The following SLC7A10 variants were observed in gnomAD, a reference collection of about 807,000 sequenced individuals.
SLC7A10 encodes solute carrier family 7 member 10.
SLC7A10 carries 30 observed loss-of-function variants against 52.7 expected under a neutral mutation model. That is an observed-to-expected ratio of 0.57 (90% CI 0.43 to 0.77). The LOEUF is 0.77. Ranked by LOEUF, SLC7A10 falls within the 30% of genes least tolerant of loss-of-function variation. The pLI, the probability that SLC7A10 is intolerant of heterozygous loss-of-function variation, is 0.00. For missense variants in SLC7A10, 581 were observed against 698.5 expected (o/e 0.83, Z 1.90); for synonymous variants, 318 against 314.9 (o/e 1.01, Z -0.10).
rs368762898 is a variant in SLC7A10, at chr19:33,212,665, G to A, written c.509-26C>T. 2.6e-5 allele frequency: 42 copies of A among 1,613,130 alleles called. No homozygotes were observed. The African/African-American group carries it at 4.4e-4, about 17-fold the overall frequency. On this transcript the variant is annotated intron_variant, in intron 3 of 10. Coordinates refer to ENST00000253188, the MANE Select transcript of SLC7A10 (RefSeq NM_019849.3). The stretch of plus-strand genomic sequence containing the variant: ...CTGCGGAGGGAAGGCGGGGGTGGGC[G>A]CCGAGGCCGGGACCTTTCACAGTGG...
At chr19:33,216,219 C>T (rs1974679529) in intron 1 of SLC7A10, among the ~76,000 whole-genome samples, 1 of 152,234 alleles carries the variant, frequency 6.6e-6, no homozygotes, top group South Asian at 2.1e-4. Flanking sequence ...GTTCAGCTGG[C>T]CAGGCCCCTC....
rs143186337 is a variant in SLC7A10, at chr19:33,215,867, C to T, written c.258G>A (p.Thr86=). The part of the protein sequence containing the change: ...LFVWVLGGGV[T]ALGSLCYAEL... Reference sequence around the variant, plus strand: ...CTGCATAGCAGAGGGAGCCCAGAGCCGTCACGCCCCCACCCAGGACCCAGA... The same window carrying T: ...CTGCATAGCAGAGGGAGCCCAGAGCTGTCACGCCCCCACCCAGGACCCAGA... The change falls in exon 2 of 11, where the codon ACG becomes ACA. Residue 86 remains threonine, a synonymous_variant. Coordinates refer to ENST00000253188, the MANE Select transcript of SLC7A10 (RefSeq NM_019849.3). 7.0e-5 allele frequency: 112 copies of T among 1,606,730 alleles called. No individual in the cohort carries two copies. Among genetic ancestry groups the T allele is most frequent in the African/African-American group, 3.6e-4 (27 of 74,888 alleles).
At chr19:33,215,642 T>TTCTCTCCATCCAGCCCCCACACCA (rs2145481644) in intron 2 of SLC7A10, 127 bp downstream of exon 2, 1 of 486,786 alleles carries the variant, frequency 2.1e-6, no homozygotes, top group Non-Finnish European at 2.8e-6. Flanking sequence ...CCCCCACACC[T>TTCTCTCCATCCAGCCCCCACACCA]TCTCTCCATC....
chr19:33,215,618 T>A, intron 2 of SLC7A10, 151 bp downstream of exon 2: 3 of 212,664 alleles, frequency 1.4e-5, no homozygotes, highest in East Asian at 1.6e-4. Flanking sequence ...CCCCCACACC[T>A]TCTCTCCATC....
chr19:33,216,089 A>T, intron 1 of SLC7A10, 116 bp from the exon 2 acceptor site: 1 of 878,512 alleles, frequency 1.1e-6, no homozygotes, highest in Non-Finnish European at 1.7e-6. Context: ...TTCCCGGAGG[A>T]GGAGGAGGCA....
At chr19:33,213,119 G>A (rs898585814) in intron 2 of SLC7A10, 117 bp from the exon 3 acceptor site, 3 of 1,369,532 alleles carry the variant, frequency 2.2e-6, no homozygotes, top group Non-Finnish European at 3.0e-6. Flanking sequence ...TGGCGAGGCT[G>A]CCAGAGGCCA....
intron 2 of SLC7A10, 37 bp from the exon 3 acceptor site, chr19:33,213,039 C>A: frequency 6.4e-7 from 1 of 1,562,688 alleles, no homozygotes; most frequent in East Asian, 2.4e-5. Flanking sequence ...TCAAGCTGCC[C>A]AGAGCCCTTC....
rs1358385861 is a variant in SLC7A10, at chr19:33,210,226, T to C, written c.1263+241A>G. On this transcript the variant is annotated intron_variant, in intron 9 of 10. Coordinates refer to ENST00000253188, the MANE Select transcript of SLC7A10 (RefSeq NM_019849.3). This position sits in a 1 kb window ranked among gnomAD's most constrained non-coding sequence, Gnocchi z 5.6. The stretch of plus-strand genomic sequence containing the variant: ...GCCTCCCAAAGTGCTGGAATAGGCA[T>C]GAGCCCCTGTGCCCAGTCCTGAGCC... Among the ~76,000 whole-genome samples the C allele has an allele frequency of 9.9e-5, 15 of 152,176 alleles. No homozygotes were observed. Among genetic ancestry groups the C allele is most frequent in the African/African-American group, 4.8e-5 (2 of 41,456 alleles).
chr19:33,209,729 G>A (rs148227534), intron 9 of SLC7A10, among the ~76,000 whole-genome samples: 19 of 152,306 alleles, frequency 1.2e-4, no homozygotes, highest in South Asian at 8.3e-4. Context: ...CCACACAGCG[G>A]TTGCGTGTGG....
chr19:33,212,070 G>T (rs1974565776), intron 5 of SLC7A10: 4 of 626,610 alleles, frequency 6.4e-6, no homozygotes, highest in Admixed American at 2.9e-5. Context: ...CCTTTCTGAG[G>T]CCCTGCAAGG....
Position 33,212,403 on chromosome 19 carries a change from C to T in SLC7A10, c.677G>A (p.Trp226Ter). 6.2e-7 allele frequency: 1 copy of T among 1,613,944 alleles called. No homozygotes were observed. Among genetic ancestry groups the T allele is most frequent in the Non-Finnish European group, 8.5e-7 (1 of 1,180,046 alleles). Residue 226 changes from tryptophan to a stop codon, truncating the protein, a stop_gained, in exon 5 of 11, where the codon TGG (tryptophan) becomes TAG (stop). Coordinates refer to ENST00000253188, the MANE Select transcript of SLC7A10 (RefSeq NM_019849.3). LOFTEE classifies it high-confidence loss of function. ...ELRPSNAFAF[W>*]MTPSVGHLAL... The stretch of plus-strand genomic sequence containing the variant: ...CAGGTGTCCCACGGAGGGCGTCATC[C>T]AGAAAGCAAAGGCATTGCTGGGCCT...
chr19:33,225,207 C>T (rs1200198138), intron 1 of SLC7A10, among the ~76,000 whole-genome samples: 2 of 152,230 alleles, frequency 1.3e-5, no homozygotes, highest in Non-Finnish European at 2.9e-5. Context: ...CAAGTTCCTG[C>T]GCTAATCGCA....
rs944597985 is a variant in SLC7A10, at chr19:33,209,726, G to A, written c.1264-241C>T. Reference sequence around the variant, plus strand: ...TCTCAGCGGCACCGAGCTCCACACAGCGGTTGCGTGTGGACTTGAGGCTTG... The same window carrying A: ...TCTCAGCGGCACCGAGCTCCACACAACGGTTGCGTGTGGACTTGAGGCTTG... On this transcript the variant is annotated intron_variant, in intron 9 of 10. Coordinates refer to ENST00000253188, the MANE Select transcript of SLC7A10 (RefSeq NM_019849.3). Among the ~76,000 whole-genome samples, 5 of 152,292 alleles carry A rather than the reference G, an allele frequency of 3.3e-5. No individual in the cohort carries two copies. The South Asian group carries it at 1.0e-3, about 32-fold the overall frequency.
At chr19:33,211,863 A>G (rs1479354774) in intron 5 of SLC7A10, 2 of 482,510 alleles carry the variant, frequency 4.1e-6, no homozygotes, top group Non-Finnish European at 7.6e-6. Flanking sequence ...CCCAGAGCCC[A>G]GTCCACAGAC....
chr19:33,216,142 C>T (rs1204496680), intron 1 of SLC7A10, among the ~76,000 whole-genome samples, 169 bp from the exon 2 acceptor site: 2 of 152,182 alleles, frequency 1.3e-5, no homozygotes, highest in African/African-American at 4.8e-5. Flanking sequence ...CCCCCAAGCC[C>T]AGCAAGTGCC....
In SLC7A10 at chr19:33,209,338, T is replaced by G. The variant is rs570908765; in HGVS notation, c.1411A>C (p.Ser471Arg). The G allele has an allele frequency of 5.0e-6, 8 of 1,614,008 alleles. No homozygotes were observed. In the African/African-American group the frequency reaches 8.0e-5, roughly 16 times the overall value. ...PIFFLGVFWR[S>R]KPKCVHRLTE... is the part of the protein sequence containing the mutation. ...AGTCTGTGCACACACTTTGGTTTGC[T>G]TCTCCAGAACACTCCCAGAAAGAAA... The change falls in exon 10 of 11, where the codon AGC becomes CGC. Residue 471 changes from serine to arginine, a missense_variant. Physicochemically the swap from Ser to Arg is moderately radical, Grantham distance 110. Transcript: ENST00000253188.
In SLC7A10 at chr19:33,209,477, A is replaced by T; in HGVS notation, c.1272T>A (p.Leu424=). The T allele has an allele frequency of 6.2e-7, 1 of 1,613,710 alleles. No individual in the cohort carries two copies. The highest frequency in any genetic ancestry group is 8.5e-7 in the Non-Finnish European group (1 of 1,179,950). Residue 424 remains leucine, a synonymous_variant, in exon 10 of 11, where the codon CTT becomes CTA. Transcript: ENST00000253188. ...AGACCAAGTACGCCACGGGGATGAGAAGGTTCACCTGGGGAAGGGGGAGCA... is the reference window on the plus strand; with the variant it reads ...AGACCAAGTACGCCACGGGGATGAGTAGGTTCACCTGGGGAAGGGGGAGCA... ...PALHRPIKVN[L]LIPVAYLVFW...
chr19:33,218,681 CTTTTTTT>C (rs60465370), intron 1 of SLC7A10, among the ~76,000 whole-genome samples: 45 of 81,790 alleles, frequency 5.5e-4, no homozygotes, highest in South Asian at 1.7e-3. Context: ...TTCTTTCTTT[CTTTTTTT>C]TTTTTTTTTA....
Position 33,212,575 on chromosome 19 carries a change from T to G in SLC7A10, c.573A>C (p.Thr191=). 1.2e-6 allele frequency: 2 copies of G among 1,614,026 alleles called. No individual in the cohort carries two copies. The highest frequency in any genetic ancestry group is 1.7e-6 in the Non-Finnish European group (2 of 1,180,042). The change falls in exon 4 of 11, where the codon ACA becomes ACC. Residue 191 remains threonine (T), a synonymous_variant. Coordinates refer to ENST00000253188, the MANE Select transcript of SLC7A10 (RefSeq NM_019849.3). ...GGGACAAGGCCAGCAGCTTCCCGCC[T>G]GTGAACATGTCCTGGATGCGCGTGG... ...RWATRIQDMF[T]GGKLLALSLI... is the part of the protein sequence containing the mutation.
Sources: allele counts gnomAD v4.1 joint callset (sites outside exome capture counted in the v4.1 genomes callset), GRCh38; gene constraint gnomAD v4.1.1; non-coding constraint Gnocchi (gnomAD v3.1); transcripts MANE v1.5; gene names NCBI Gene and HGNC (gene_info 2026-07-23, HGNC 2026-07-21).